ENO4: variants seen among roughly 807,000 people sequenced by gnomAD.
ENO4 encodes 2-phospho-D-glycerate hydro-lyase.
Under a neutral mutation model 63.2 loss-of-function variants are expected in ENO4, and 53 were observed. The ratio of observed to expected loss-of-function variants is 0.84; its 90% CI spans 0.67 to 1.05. The LOEUF (loss-of-function observed/expected upper bound fraction) is 1.05. Ranked by LOEUF, ENO4 falls within the 50% of genes least tolerant of loss-of-function variation. The pLI, the probability that ENO4 is intolerant of heterozygous loss-of-function variation, is 0.00. For synonymous variants in ENO4, 266 were observed against 283.8 expected (o/e 0.94, Z 0.63); for missense variants, 719 against 772.0 (o/e 0.93, Z 0.81).
intron 11 of ENO4, among the ~76,000 whole-genome samples, chr10:116,878,404 G>A (rs1383573373): frequency 6.6e-6 from 1 of 152,196 alleles, no homozygotes; most frequent in Non-Finnish European, 1.5e-5. Flanking sequence ...AAGAGCTCTG[G>A]CTGGCACTCT....
chr10:116,868,523 G>C (rs1846604089), intron 7 of ENO4, 127 bp from the exon 8 acceptor site: 9 of 761,022 alleles, frequency 1.2e-5, no homozygotes, highest in Admixed American at 2.0e-5. Flanking sequence ...GCGTGTGTGT[G>C]CGTGTATGTG....
rs1564850726 is a variant in ENO4, at chr10:116,871,260, A to T, written c.1183A>T (p.Ile395Phe). The T allele has an allele frequency of 1.9e-6, 3 of 1,550,508 alleles. No individual in the cohort carries two copies. The highest frequency in any genetic ancestry group is 2.6e-6 in the Non-Finnish European group (3 of 1,146,966). The change falls in exon 9 of 14, where the codon ATC becomes TTC. Residue 395 changes from isoleucine to phenylalanine, a missense_variant. Around this residue, in one of 3 missense-constraint regions of ENO4, gnomAD observed 544 missense variants for 583.6 expected, o/e 0.93. Transcript: ENST00000341276. ...LELGTNLHLA[I>F]NCAGHELMDY... ...ACTGGGAACAAATCTGCATCTAGCT[A>T]TCAACTGTGCTGGACATGAGCTGAT... is the stretch of plus-strand genomic sequence containing the variant.
At position 116,855,771 on chromosome 10, in the gene ENO4, T is replaced by C. The variant is rs1323630512; in HGVS notation, c.294+20T>C. The C allele has an allele frequency of 6.6e-7, 1 of 1,518,476 alleles. No individual in the cohort carries two copies. The highest frequency in any genetic ancestry group is 2.5e-5 in the East Asian group (1 of 40,500). The allele number at this position is 1,518,476 out of a possible 1,614,324, so 94.1% of individuals were successfully genotyped here. ...CCCAAGGTATGAGGCAGTTTAAGTG[T>C]GTTCTTTAATGTCCTGGCCCCACTG... On this transcript the variant is annotated intron_variant, in intron 2 of 13. Coordinates refer to ENST00000341276, the MANE Select transcript of ENO4 (RefSeq NM_001242699.2).
At chr10:116,908,488 C>T (rs1352079725) in intron 10 of ENO4, among the ~76,000 whole-genome samples, 1 of 152,108 alleles carries the variant, frequency 6.6e-6, no homozygotes, top group African/African-American at 2.4e-5. Flanking sequence ...AGTACTACAA[C>T]AACTATTCCC....
chr10:116,861,505 C>G (rs1318081785), intron 6 of ENO4, among the ~76,000 whole-genome samples: 1 of 152,192 alleles, frequency 6.6e-6, no homozygotes, highest in Non-Finnish European at 1.5e-5. Flanking sequence ...TTACTCTGCA[C>G]TGTGCCCTAT....
At chr10:116,893,601 A>AC (rs1847415803) in intron 10 of ENO4, among the ~76,000 whole-genome samples, 2 of 1,130 alleles carry the variant, frequency 1.8e-3, no homozygotes, top group African/African-American at 4.6e-3. Context: ...CACACACGAG[A>AC]AAGAAAGCGG....
chr10:116,905,930 C>T (rs1302512561), intron 10 of ENO4, among the ~76,000 whole-genome samples: 3 of 152,164 alleles, frequency 2.0e-5, no homozygotes, highest in African/African-American at 7.2e-5. Context: ...CCTAATGTCA[C>T]ACAAATGCAA....
chr10:116,869,982 A>G (rs952362322), intron 8 of ENO4, among the ~76,000 whole-genome samples: 2 of 152,214 alleles, frequency 1.3e-5, no homozygotes, highest in African/African-American at 4.8e-5. Context: ...CCTGGCATTT[A>G]GTAAGCACCA....
intron 13 of ENO4, 68 bp from the exon 14 acceptor site, chr10:116,881,447 A>G: frequency 7.9e-7 from 1 of 1,258,950 alleles, no homozygotes; most frequent in Non-Finnish European, 1.1e-6. Flanking sequence ...GATCTCCTTC[A>G]ACTTATGTAG....
At chr10:116,881,405 T>C in intron 13 of ENO4, 110 bp from the exon 14 acceptor site, 1 of 781,312 alleles carries the variant, frequency 1.3e-6, no homozygotes, top group Non-Finnish European at 2.0e-6. Context: ...TTTCCGATGG[T>C]GATGTGACAC....
At chr10:116,905,780 A>G (rs1564869219) in intron 10 of ENO4, among the ~76,000 whole-genome samples, 1 of 152,166 alleles carries the variant, frequency 6.6e-6, no homozygotes, top group Non-Finnish European at 1.5e-5. Flanking sequence ...ATTTTACTTT[A>G]AGGTAGTTTT....
chr10:116,905,076 C>T (rs956214879), intron 10 of ENO4, among the ~76,000 whole-genome samples: 7 of 151,672 alleles, frequency 4.6e-5, no homozygotes, highest in African/African-American at 1.7e-4. Context: ...TGGCGGGCGC[C>T]TGTAGTCCCA....
chr10:116,906,240 T>C (rs1342239437), intron 10 of ENO4, among the ~76,000 whole-genome samples: 1 of 152,244 alleles, frequency 6.6e-6, no homozygotes, highest in Admixed American at 6.5e-5. Flanking sequence ...ACAAAGAGGT[T>C]CAGTAATTTG....
At chr10:116,906,195 T>C (rs1847965655) in intron 10 of ENO4, among the ~76,000 whole-genome samples, 1 of 152,268 alleles carries the variant, frequency 6.6e-6, no homozygotes, top group African/African-American at 2.4e-5. Flanking sequence ...GCAGTGCTTT[T>C]ATTATTCTCA....
chr10:116,901,267 AAG>A, intron 10 of ENO4: 1 of 985,330 alleles, frequency 1.0e-6, no homozygotes, highest in Non-Finnish European at 1.2e-6. Context: ...ACTCTGAAGC[AAG>A]TCTATACAGA....
At chr10:116,886,444 T>C, downstream of ENO4, 8 of 1,612,674 alleles carry the variant, frequency 5.0e-6, no homozygotes, top group Non-Finnish European at 5.9e-6. Context: ...AGTTGGATCT[T>C]TTTCAGCAAC....
Position 116,856,514 on chromosome 10 carries a change from C to T in ENO4, c.317C>T (p.Ser106Leu). The stretch of plus-strand genomic sequence containing the variant: ...CAGAACGTATGTTCTGTGGTGATCT[C>T]GACTCATTTTGAAGTCCATGAGAAT... ...FPKNVCSVVI[S>L]THFEVHENAL... is the part of the protein sequence containing the mutation. Residue 106 changes from serine to leucine, a missense_variant, in exon 3 of 14, where the codon TCG (serine) becomes TTG (leucine). Physicochemically the swap from Ser to Leu is moderately radical, Grantham distance 145. Transcript: ENST00000341276. 1 of 1,536,018 alleles carries T rather than the reference C, an allele frequency of 6.5e-7. No individual in the cohort carries two copies. The highest frequency in any genetic ancestry group is 8.7e-7 in the Non-Finnish European group (1 of 1,146,870).
downstream of ENO4, chr10:116,884,678 C>A (rs1399165147): frequency 6.1e-6 from 1 of 164,166 alleles, no homozygotes; most frequent in African/African-American, 2.4e-5. Flanking sequence ...ACTCAATAAA[C>A]CATCTTAGGG....
chr10:116,891,742 A>C (rs953238180), intron 10 of ENO4, among the ~76,000 whole-genome samples: 1 of 152,082 alleles, frequency 6.6e-6, no homozygotes, highest in East Asian at 1.9e-4. Flanking sequence ...AAAACTTCAC[A>C]AATTTTTAAT....
Sources: gnomAD v4.1 joint callset for allele counts (sites outside exome capture counted in the v4.1 genomes callset) on GRCh38, gnomAD v4.1.1 for gene constraint, gnomAD v4.1.1 regional missense constraint, MANE v1.5 for transcripts, NCBI Gene and HGNC (gene_info 2026-07-23, HGNC 2026-07-21) for gene names.